The following AP3B1 variants were observed in gnomAD, a reference collection of about 807,000 sequenced individuals.
AP3B1 encodes adaptor related protein complex 3 subunit beta 1, also known as AP-3 complex subunit beta-1.
In AP3B1, 61 loss-of-function variants were observed where a neutral mutation model predicts 132.5. That is an observed-to-expected ratio of 0.46 (90% CI 0.37 to 0.57). The LOEUF (loss-of-function observed/expected upper bound fraction) is 0.57. Ranked by LOEUF, AP3B1 falls within the 20% of genes least tolerant of loss-of-function variation. The pLI is 0.00. For missense variants in AP3B1, 1,120 were observed against 1,289.4 expected (o/e 0.87, Z 2.01); for synonymous variants, 388 against 438.3 (o/e 0.89, Z 1.43).
chr5:78,189,157 G>A (rs1744723057), intron 7 of AP3B1, among the ~76,000 whole-genome samples: 1 of 152,036 alleles, frequency 6.6e-6, no homozygotes, highest in Admixed American at 6.6e-5. Context: ...GATAGGTGCA[G>A]CAAACCACCA....
intron 7 of AP3B1, among the ~76,000 whole-genome samples, chr5:78,201,756 A>C (rs1053326838): frequency 3.3e-5 from 5 of 152,216 alleles, no homozygotes; most frequent in African/African-American, 1.2e-4. Flanking sequence ...AGACAGACAG[A>C]GAGACATCCA....
Position 78,193,770 on chromosome 5 carries a change from A to ATATATTTTTTTTTT in AP3B1, c.787-12109_787-12108insAAAAAAAAAATATA. On this transcript the variant is annotated intron_variant, in intron 7 of 26. Coordinates refer to ENST00000255194, the MANE Select transcript of AP3B1 (RefSeq NM_003664.5). ...TATATATATATATATATATATATAT[A>ATATATTTTTTTTTT]TTTTTTTTTTAGACAGAGTCTCGCT... Among the ~76,000 whole-genome samples the ATATATTTTTTTTTT allele has an allele frequency of 1.1e-3, 74 of 67,206 alleles. 1 individual carries two copies. Among genetic ancestry groups the ATATATTTTTTTTTT allele is most frequent in the Non-Finnish European group, 1.9e-3 (59 of 31,132 alleles). 44.1% of individuals were successfully genotyped at this position (67,206 alleles called of 152,430 possible).
chr5:78,066,550 C>T (rs1749297927), intron 22 of AP3B1, among the ~76,000 whole-genome samples: 1 of 152,046 alleles, frequency 6.6e-6, no homozygotes, highest in Non-Finnish European at 1.5e-5. Flanking sequence ...AACAGACCAA[C>T]CGGAGGAAAG....
intron 14 of AP3B1, 53 bp from the exon 15 acceptor site, chr5:78,141,372 A>G (rs1176791794): frequency 4.2e-6 from 6 of 1,435,378 alleles, no homozygotes; most frequent in African/African-American, 1.4e-5. Flanking sequence ...ATACTCTAAT[A>G]TTAACATAGA....
intron 2 of AP3B1, 49 bp downstream of exon 2, chr5:78,267,471 A>G (rs2112562386): frequency 1.0e-6 from 1 of 992,066 alleles, no homozygotes; most frequent in Admixed American, 1.8e-5. Context: ...TAATATGATC[A>G]CTGCTTGTCC....
intron 2 of AP3B1, among the ~76,000 whole-genome samples, chr5:78,242,547 C>T (rs1747183951): frequency 6.6e-6 from 1 of 152,162 alleles, no homozygotes; most frequent in African/African-American, 2.4e-5. Context: ...GCTGGGATTA[C>T]AGGCACCTGA....
At chr5:78,092,049 T>C (rs1486139311) in intron 21 of AP3B1, among the ~76,000 whole-genome samples, 1 of 152,236 alleles carries the variant, frequency 6.6e-6, no homozygotes. Context: ...TGGATCATAA[T>C]ATGTTGCCTT....
intron 21 of AP3B1, among the ~76,000 whole-genome samples, chr5:78,092,888 A>G (rs1750590616): frequency 6.6e-6 from 1 of 152,130 alleles, no homozygotes; most frequent in Non-Finnish European, 1.5e-5. Context: ...AACTTCAAGC[A>G]GTCCTCCTGT....
intron 7 of AP3B1, among the ~76,000 whole-genome samples, chr5:78,215,287 T>G (rs1745913023): frequency 6.6e-6 from 1 of 152,018 alleles, no homozygotes; most frequent in South Asian, 2.1e-4. Context: ...AAGACTAGAA[T>G]GAATGTGCTA....
intron 7 of AP3B1, among the ~76,000 whole-genome samples, chr5:78,185,771 G>T (rs915611510): frequency 1.2e-4 from 18 of 152,274 alleles, no homozygotes; most frequent in African/African-American, 4.3e-4. Flanking sequence ...TCAGGAGGCT[G>T]AGGTGGGAGG....
chr5:78,243,234 TAAGAA>T (rs958466487), intron 2 of AP3B1, among the ~76,000 whole-genome samples: 6 of 152,174 alleles, frequency 3.9e-5, no homozygotes, highest in Non-Finnish European at 4.4e-5. Flanking sequence ...ATCTTTGAAA[TAAGAA>T]AAGAGAGGGA....
At chr5:78,207,039 C>T (rs969526813) in intron 7 of AP3B1, among the ~76,000 whole-genome samples, 2 of 151,954 alleles carry the variant, frequency 1.3e-5, no homozygotes, top group African/African-American at 4.8e-5. Context: ...GGGTGGATCA[C>T]ATGAAGTCAG....
chr5:78,225,633 T>A, intron 5 of AP3B1, 25 bp from the exon 6 acceptor site: 1 of 1,433,216 alleles, frequency 7.0e-7, no homozygotes, highest in Non-Finnish European at 9.8e-7. Flanking sequence ...AATAACATAT[T>A]AATTTTTCCC....
At chr5:78,055,362 G>A (rs1396607423) in intron 22 of AP3B1, among the ~76,000 whole-genome samples, 4 of 152,204 alleles carry the variant, frequency 2.6e-5, no homozygotes, top group African/African-American at 4.8e-5. Context: ...TGGTACGAAG[G>A]AAAACACTGG....
rs1388985716 is a variant in AP3B1, at chr5:78,240,949, C to T, written c.205-13G>A. The T allele has an allele frequency of 6.4e-7, 1 of 1,568,096 alleles. No homozygotes were observed. Among genetic ancestry groups the T allele is most frequent in the Non-Finnish European group, 8.8e-7 (1 of 1,138,850 alleles). On this transcript the variant is annotated splice_polypyrimidine_tract_variant and intron_variant, in intron 2 of 26. Coordinates refer to ENST00000255194, the MANE Select transcript of AP3B1 (RefSeq NM_003664.5). Reference sequence around the variant, plus strand: ...CTTTTGCAATCATCTGAAGAATAAACAAAACAGACAATATGGGAAATTCTA... The same window carrying T: ...CTTTTGCAATCATCTGAAGAATAAATAAAACAGACAATATGGGAAATTCTA...
In AP3B1 at chr5:78,123,603, G is replaced by A. The variant is rs535401878; in HGVS notation, c.1968+4427C>T. ...CCAAAAAACACATGAAAAAATGCTC[G>A]TCATCACTGACCATCAGAGAAATGC... On this transcript the variant is annotated intron_variant, in intron 17 of 26. Coordinates refer to ENST00000255194, the MANE Select transcript of AP3B1 (RefSeq NM_003664.5). Among the ~76,000 whole-genome samples the A allele has an allele frequency of 2.9e-3, 434 of 152,240 alleles. 3 individuals carry two copies. The highest frequency in any genetic ancestry group is 9.7e-3 in the African/African-American group (404 of 41,522).
intron 14 of AP3B1, among the ~76,000 whole-genome samples, chr5:78,146,733 A>G (rs1216029001): frequency 6.6e-6 from 1 of 152,098 alleles, no homozygotes; most frequent in East Asian, 1.9e-4. Context: ...AACTTTAGCC[A>G]TGTCCTACAT....
chr5:78,213,747 C>A (rs1228667921), intron 7 of AP3B1, among the ~76,000 whole-genome samples: 1 of 152,070 alleles, frequency 6.6e-6, no homozygotes, highest in Non-Finnish European at 1.5e-5. Flanking sequence ...AGGCGTCAAC[C>A]AAGAGGTTAC....
chr5:78,242,346 T>A (rs972576165), intron 2 of AP3B1, among the ~76,000 whole-genome samples: 10 of 152,068 alleles, frequency 6.6e-5, no homozygotes, highest in African/African-American at 2.4e-4. Context: ...TTTTACTCCT[T>A]CTCCCTTGCT....
Sources: allele counts gnomAD v4.1 joint callset (sites outside exome capture counted in the v4.1 genomes callset), GRCh38; gene constraint gnomAD v4.1.1; transcripts MANE v1.5; gene names NCBI Gene and HGNC (gene_info 2026-07-23, HGNC 2026-07-21).